CSNK1A1: variants seen among roughly 807,000 people sequenced by gnomAD.
CSNK1A1 encodes casein kinase I isoform alpha.
CSNK1A1 carries 7 observed loss-of-function variants against 46.1 expected under a neutral mutation model. The ratio of observed to expected loss-of-function variants is 0.15; its 90% CI spans 0.09 to 0.29. The LOEUF (loss-of-function observed/expected upper bound fraction) is 0.29, where lower values mean the gene tolerates loss of function less well. Ranked by LOEUF, CSNK1A1 falls within the 10% of genes least tolerant of loss-of-function variation. CSNK1A1 has a pLI of 1.00. For synonymous variants in CSNK1A1, 137 were observed against 141.5 expected (o/e 0.97, Z 0.23); for missense variants, 96 against 417.1 (o/e 0.23, Z 6.71).
Position 149,551,428 on chromosome 5 carries a change from G to A in CSNK1A1, c.-464C>T, listed in dbSNP as rs1172547826. The A allele has an allele frequency of 1.2e-5, 2 of 161,214 alleles. No individual in the cohort carries two copies. Among genetic ancestry groups the A allele is most frequent in the Non-Finnish European group, 2.7e-5 (2 of 73,018 alleles). 10.0% of individuals were successfully genotyped at this position (161,214 alleles called of 1,614,324 possible). The stretch of plus-strand genomic sequence containing the variant: ...CCGGGAGCCGCTTCTTCACGGCGCA[G>A]AGCACTCTGGGAAAGGGATCTCGGG... On this transcript the variant is annotated 5_prime_UTR_variant, in exon 1 of 10. Coordinates refer to ENST00000377843, the MANE Select transcript of CSNK1A1 (RefSeq NM_001892.6).
chr5:149,516,471 A>AT (rs200508678), intron 4 of CSNK1A1, among the ~76,000 whole-genome samples: 189 of 145,736 alleles, frequency 1.3e-3, no homozygotes, highest in South Asian at 2.6e-3. Flanking sequence ...TACTTGCAGC[A>AT]TTTTTTTTTT....
intron 9 of CSNK1A1, chr5:149,501,608 A>T: frequency 3.0e-6 from 3 of 985,234 alleles, no homozygotes; most frequent in Non-Finnish European, 3.6e-6. Flanking sequence ...ATTATGATAA[A>T]ACTCTGCTTA....
At chr5:149,511,600 C>T (rs1761225855) in intron 6 of CSNK1A1, among the ~76,000 whole-genome samples, 194 bp downstream of exon 6, 1 of 152,196 alleles carries the variant, frequency 6.6e-6, no homozygotes, top group East Asian at 1.9e-4. Flanking sequence ...CACTGTTCTT[C>T]AGCTGAACTA....
chr5:149,531,693 C>CAAAAAAA (rs60488526), intron 2 of CSNK1A1, among the ~76,000 whole-genome samples: 5 of 136,656 alleles, frequency 3.7e-5, no homozygotes, highest in Admixed American at 7.3e-5. Flanking sequence ...ACTAAAAATA[C>CAAAAAAA]AAAAAAAAAA....
intron 4 of CSNK1A1, among the ~76,000 whole-genome samples, chr5:149,520,088 G>A (rs904476040): frequency 2.0e-5 from 3 of 152,076 alleles, no homozygotes; most frequent in African/African-American, 7.2e-5. Context: ...AACTAACCTC[G>A]GTTGGGTAAG....
intron 2 of CSNK1A1, among the ~76,000 whole-genome samples, chr5:149,528,664 T>C (rs1004359617): frequency 6.6e-6 from 1 of 152,196 alleles, no homozygotes; most frequent in Non-Finnish European, 1.5e-5. Context: ...ATCTTCCTAA[T>C]GTCACCTATC....
intron 2 of CSNK1A1, among the ~76,000 whole-genome samples, chr5:149,538,986 A>G (rs1344428854): frequency 6.6e-6 from 1 of 152,068 alleles, no homozygotes; most frequent in African/African-American, 2.4e-5. Context: ...GTAGAATTTC[A>G]TTATTGTACT....
rs1408954781 is a variant in CSNK1A1 at position 149,495,376 on chromosome 5, C to T, written c.*1477G>A. 6.6e-6 allele frequency: 1 copy of T among 152,112 alleles called. No individual in the cohort carries two copies. Among genetic ancestry groups the T allele is most frequent in the Non-Finnish European group, 1.5e-5 (1 of 68,042 alleles). The allele number at this position is 152,112 out of a possible 1,614,324, so 9.4% of individuals were successfully genotyped here. Reference sequence around the variant, plus strand: ...TGTTCTTTTAATTTATCCTGACATGCTATAAATGAATAAATTACACTATTT... The same window carrying T: ...TGTTCTTTTAATTTATCCTGACATGTTATAAATGAATAAATTACACTATTT... On this transcript the variant is annotated 3_prime_UTR_variant, in exon 10 of 10. Coordinates refer to ENST00000377843, the MANE Select transcript of CSNK1A1 (RefSeq NM_001892.6).
intron 2 of CSNK1A1, among the ~76,000 whole-genome samples, chr5:149,541,158 GTT>G (rs111502460): frequency 7.1e-6 from 1 of 141,230 alleles, no homozygotes. Context: ...AACCAATTTT[GTT>G]TTTTTTTTTT....
At position 149,498,282 on chromosome 5, in the gene CSNK1A1, T is replaced by A. The variant is rs996866461; in HGVS notation, c.1007-1422A>T. The A allele has an allele frequency of 1.6e-5, 16 of 985,252 alleles. No homozygotes were observed. The South Asian group carries it at 2.8e-4, about 17-fold the overall frequency. 61.0% of individuals were successfully genotyped at this position (985,252 alleles called of 1,614,324 possible). ...TACAAGAGAGTAGGTGCATAATAGA[T>A]CTTTGTTGCCTGGGTACTAAGTCCA... On this transcript the variant is annotated intron_variant, in intron 9 of 9. Coordinates refer to ENST00000377843, the MANE Select transcript of CSNK1A1 (RefSeq NM_001892.6).
intron 2 of CSNK1A1, among the ~76,000 whole-genome samples, chr5:149,546,540 G>A (rs1273186119): frequency 6.6e-6 from 1 of 151,954 alleles, no homozygotes; most frequent in African/African-American, 2.4e-5. Context: ...GGCTAAGGCA[G>A]GAGAATTGCT....
intron 4 of CSNK1A1, 125 bp from the exon 5 acceptor site, chr5:149,513,334 T>G: frequency 1.1e-6 from 1 of 904,162 alleles, no homozygotes; most frequent in East Asian, 2.7e-5. Flanking sequence ...TAAGTATTAA[T>G]AGAACAGATA....
chr5:149,524,929 G>T, intron 3 of CSNK1A1, 116 bp downstream of exon 3: 1 of 858,834 alleles, frequency 1.2e-6, no homozygotes, highest in Non-Finnish European at 1.7e-6. Flanking sequence ...TTTTTTTTCT[G>T]CCTATGCTAA....
At chr5:149,534,843 G>A (rs1398963468) in intron 2 of CSNK1A1, among the ~76,000 whole-genome samples, 1 of 149,828 alleles carries the variant, frequency 6.7e-6, no homozygotes, top group African/African-American at 2.5e-5. Context: ...AGGATCACTT[G>A]AGCCTCGGCT....
At chr5:149,499,356 GAAGTT>G (rs1760752402) in intron 9 of CSNK1A1, 1 of 647,546 alleles carries the variant, frequency 1.5e-6, no homozygotes, top group South Asian at 7.2e-5. Context: ...TGATGATTAA[GAAGTT>G]AATAGCTTAA....
intron 3 of CSNK1A1, among the ~76,000 whole-genome samples, chr5:149,522,802 C>G (rs1403434587): frequency 1.3e-5 from 2 of 152,146 alleles, no homozygotes; most frequent in African/African-American, 4.8e-5. Context: ...TTCTACAACT[C>G]TACAACAAGG....
chr5:149,547,403 A>G (rs1310710249), intron 2 of CSNK1A1, among the ~76,000 whole-genome samples: 1 of 152,234 alleles, frequency 6.6e-6, no homozygotes, highest in Non-Finnish European at 1.5e-5. Context: ...TACCAGATAA[A>G]AGGACATGTA....
intron 2 of CSNK1A1, among the ~76,000 whole-genome samples, chr5:149,542,692 A>ATATATATATATGTATATATATATATAT (rs1762340035): frequency 1.9e-4 from 3 of 16,194 alleles, no homozygotes; most frequent in African/African-American, 7.4e-4. Flanking sequence ...ATATATATAT[A>ATATATATATATGTATATATATATATAT]TTTTTTTTTT....
chr5:149,512,907 C>A (rs1761276315), intron 5 of CSNK1A1, among the ~76,000 whole-genome samples, 163 bp downstream of exon 5: 1 of 152,186 alleles, frequency 6.6e-6, no homozygotes, highest in African/African-American at 2.4e-5. Context: ...ATTTAACGGT[C>A]TTCTCTACAC....
Sources: allele counts gnomAD v4.1 joint callset (sites outside exome capture counted in the v4.1 genomes callset), GRCh38; gene constraint gnomAD v4.1.1; transcripts MANE v1.5; gene names NCBI Gene and HGNC (gene_info 2026-07-23, HGNC 2026-07-21).